The following NECAB1 variants were observed in gnomAD, a reference collection of about 807,000 sequenced individuals.
NECAB1 encodes N-terminal EF-hand calcium-binding protein 1.
Under a neutral mutation model 57.5 loss-of-function variants are expected in NECAB1, and 29 were observed. That is an observed-to-expected ratio of 0.50 (90% CI 0.38 to 0.69). The LOEUF is 0.69. Ranked by LOEUF, NECAB1 falls within the 30% of genes least tolerant of loss-of-function variation. The pLI is 0.00. For missense variants in NECAB1, 372 were observed against 413.8 expected (o/e 0.90, Z 0.88); for synonymous variants, 142 against 147.7 (o/e 0.96, Z 0.28).
chr8:90,864,931 G>A (rs1183047533), intron 3 of NECAB1, among the ~76,000 whole-genome samples: 2 of 152,090 alleles, frequency 1.3e-5, no homozygotes, highest in East Asian at 3.9e-4. Flanking sequence ...CACAGCCAAG[G>A]AGAGAGGAGA....
At chr8:90,796,433 A>C (rs1427777417) in intron 1 of NECAB1, among the ~76,000 whole-genome samples, 1 of 152,256 alleles carries the variant, frequency 6.6e-6, no homozygotes, top group Non-Finnish European at 1.5e-5. Flanking sequence ...GATTCATGGT[A>C]GGAGGCACTT....
chr8:90,808,088 C>T (rs973612853), intron 2 of NECAB1, among the ~76,000 whole-genome samples: 5 of 151,968 alleles, frequency 3.3e-5, no homozygotes, highest in South Asian at 2.1e-4. Flanking sequence ...AAGCAGAAAA[C>T]GGAAAATTCT....
chr8:90,923,853 T>TA (rs1186962470), intron 6 of NECAB1, among the ~76,000 whole-genome samples: 5 of 152,098 alleles, frequency 3.3e-5, no homozygotes, highest in Non-Finnish European at 7.4e-5. Flanking sequence ...AGAGGTGAAA[T>TA]ATAAGAGATA....
chr8:90,928,213 CT>C lies in NECAB1; in HGVS notation c.617-9del, dbSNP rs1461736902. The C allele has an allele frequency of 1.3e-6, 2 of 1,598,084 alleles. No individual in the cohort carries two copies. The highest frequency in any genetic ancestry group is 1.7e-6 in the Non-Finnish European group (2 of 1,169,124). ...TAACATATTGCCCTCATGATTCCCC[CT>C]GGCCCCAGGCTTATTAGAAGAAGAC... On this transcript the variant is annotated splice_polypyrimidine_tract_variant and intron_variant, in intron 7 of 12. Transcript: ENST00000417640.
At chr8:90,933,223 C>T (rs1019918214) in intron 8 of NECAB1, among the ~76,000 whole-genome samples, 1 of 152,164 alleles carries the variant, frequency 6.6e-6, no homozygotes, top group Admixed American at 6.5e-5. Flanking sequence ...AATTCCACTA[C>T]TGGGTATCTA....
Position 90,922,486 on chromosome 8 carries a change from A to ATT in NECAB1, c.495-3026_495-3025dup, listed in dbSNP as rs577951495. ...ACCACCAAAGCTGCCAAAAACTTGG[A>ATT]TTTTTTTTTTTTTTTTTTTTTTTTG... On this transcript the variant is annotated intron_variant, in intron 6 of 12. Coordinates refer to ENST00000417640, the MANE Select transcript of NECAB1 (RefSeq NM_022351.5). Among the ~76,000 whole-genome samples, 205 of 57,498 alleles carry ATT rather than the reference A, an allele frequency of 3.6e-3. 25 individuals are homozygous for ATT. The highest frequency in any genetic ancestry group is 0.012 in the South Asian group (16 of 1,356). The allele number at this position is 57,498 out of a possible 152,430, so 37.7% of individuals were successfully genotyped here. A position where few individuals can be genotyped will look rare whatever the true frequency, so the allele number is the denominator to read the frequency against.
chr8:90,832,268 C>A (rs1049759280), intron 3 of NECAB1, among the ~76,000 whole-genome samples: 37 of 152,274 alleles, frequency 2.4e-4, no homozygotes, highest in African/African-American at 8.2e-4. Flanking sequence ...TCACTGGCAT[C>A]ACTACCATCT....
chr8:90,955,159 A>G (rs1444711043), intron 12 of NECAB1, among the ~76,000 whole-genome samples: 1 of 97,588 alleles, frequency 1.0e-5, no homozygotes, highest in African/African-American at 4.1e-5. Flanking sequence ...TGGCCTAACT[A>G]CTGCCAGTGT....
rs541213888 is a variant in NECAB1, at chr8:90,928,373, T to A, written c.693+74T>A. ...TTACCTAATATTCCCCATTGCTTTA[T>A]ATCCATGACTGCCCCATAGATAGAA... On this transcript the variant is annotated intron_variant, in intron 8 of 12. Coordinates refer to ENST00000417640, the MANE Select transcript of NECAB1 (RefSeq NM_022351.5). The A allele has an allele frequency of 1.1e-3, 1,210 of 1,072,752 alleles. 1 individual carries two copies. The highest frequency in any genetic ancestry group is 1.3e-3 in the Non-Finnish European group (978 of 733,438). 66.5% of individuals were successfully genotyped at this position (1,072,752 alleles called of 1,614,324 possible).
intron 3 of NECAB1, among the ~76,000 whole-genome samples, chr8:90,825,856 C>G (rs1486390110): frequency 6.6e-6 from 1 of 151,748 alleles, no homozygotes; most frequent in African/African-American, 2.4e-5. Context: ...TAACTATACT[C>G]AACAATAACT....
At chr8:90,834,777 T>C (rs1812343658) in intron 3 of NECAB1, among the ~76,000 whole-genome samples, 1 of 152,166 alleles carries the variant, frequency 6.6e-6, no homozygotes, top group Admixed American at 6.5e-5. Context: ...TAATCACCAA[T>C]AGCATTTGGT....
At chr8:90,859,149 G>T in intron 3 of NECAB1, 1 of 152,268 alleles carries the variant, frequency 6.6e-6, no homozygotes. Context: ...GGAAGAGAGA[G>T]AAACAAAAAC....
At chr8:90,863,904 A>T (rs189540267) in intron 3 of NECAB1, among the ~76,000 whole-genome samples, 434 of 152,242 alleles carry the variant, frequency 2.9e-3, no homozygotes, top group Non-Finnish European at 3.7e-3. Context: ...CTTGGAAATA[A>T]ATTCTGAAAA....
At chr8:90,844,438 C>T (rs1586052445) in intron 3 of NECAB1, among the ~76,000 whole-genome samples, 3 of 152,310 alleles carry the variant, frequency 2.0e-5, no homozygotes, top group Admixed American at 2.0e-4. Context: ...TCAAAATTAT[C>T]TCAGTCCTTC....
Position 90,925,647 on chromosome 8 carries a change from A to G in NECAB1, c.607A>G (p.Ser203Gly). 1 of 1,613,844 alleles carries G rather than the reference A, an allele frequency of 6.2e-7. No individual in the cohort carries two copies. The highest frequency in any genetic ancestry group is 8.5e-7 in the Non-Finnish European group (1 of 1,179,798). The stretch of plus-strand genomic sequence containing the variant: ...CCCAAACAGCCCTCAGTTTAATGTC[A>G]GCGGTCCAGGTAACATACCCTTCAT... ...FSPNSPQFNV[S>G]GPGLLEEDNQ... The change falls in exon 7 of 13, where the codon AGC becomes GGC. Residue 203 changes from serine (S) to glycine (G), a missense_variant. Physicochemically the swap from Ser to Gly is moderately conservative, Grantham distance 56 (BLOSUM62 0). Transcript: ENST00000417640.
chr8:90,953,139 T>G (rs1389514228), intron 12 of NECAB1, among the ~76,000 whole-genome samples: 1 of 152,184 alleles, frequency 6.6e-6, no homozygotes, highest in African/African-American at 2.4e-5. Context: ...AAGCTTGTTC[T>G]TATTAGTGTC....
chr8:90,830,350 G>A (rs1046805090), intron 3 of NECAB1, among the ~76,000 whole-genome samples: 1 of 152,038 alleles, frequency 6.6e-6, no homozygotes, highest in African/African-American at 2.4e-5. Context: ...ACAGTCCCAG[G>A]TACTCAGCTA....
chr8:90,820,308 G>A (rs906250480), intron 2 of NECAB1, among the ~76,000 whole-genome samples: 10 of 151,914 alleles, frequency 6.6e-5, no homozygotes, highest in African/African-American at 2.2e-4. Context: ...AAAATCAGAA[G>A]AGGTATTTTA....
chr8:90,894,377 CTA>C (rs1244931392), intron 5 of NECAB1, among the ~76,000 whole-genome samples: 1 of 152,162 alleles, frequency 6.6e-6, no homozygotes, highest in Non-Finnish European at 1.5e-5. Flanking sequence ...ACTCCCCAAA[CTA>C]TACAAATCAG....
Sources: gnomAD v4.1 joint callset for allele counts (sites outside exome capture counted in the v4.1 genomes callset) on GRCh38, gnomAD v4.1.1 for gene constraint, MANE v1.5 for transcripts, NCBI Gene and HGNC (gene_info 2026-07-23, HGNC 2026-07-21) for gene names.